GFRA2: variants seen among roughly 807,000 people sequenced by gnomAD.
GFRA2 encodes the protein GDNF family receptor alpha-2.
A neutral mutation model predicts 48.3 loss-of-function variants in GFRA2; 17 were observed. The ratio of observed to expected loss-of-function variants is 0.35; its 90% CI spans 0.24 to 0.53. GFRA2 has a LOEUF of 0.53. Ranked by LOEUF, GFRA2 falls within the 20% of genes least tolerant of loss-of-function variation. GFRA2 has a pLI of 0.93. For missense variants in GFRA2, 660 were observed against 637.3 expected (o/e 1.04, Z -0.38); for synonymous variants, 305 against 257.2 (o/e 1.19, Z -1.78).
chr8:21,712,582 G>A (rs1296706388), intron 4 of GFRA2, among the ~76,000 whole-genome samples: 3 of 148,518 alleles, frequency 2.0e-5, no homozygotes, highest in Admixed American at 6.6e-5. Context: ...AGGCAGAGAC[G>A]CTCCTCACTT....
chr8:21,750,809 G>A lies in GFRA2; in HGVS notation c.573C>T (p.Pro191=). ...ACTTGCGGCGGTTGCAGCGCTCGGT[G>A]GGCGAGATCTCGCGGTTGCAGATGG... ...YISICNREIS[P]TERCNRRKCH... is the part of the protein sequence containing the mutation. The change falls in exon 4 of 9, where the codon CCC becomes CCT. Residue 191 remains proline, a synonymous_variant. Transcript: ENST00000524240. This position sits in a 1 kb window ranked among gnomAD's most constrained non-coding sequence, Gnocchi z 5.7. 1 of 1,614,030 alleles carries A rather than the reference G, an allele frequency of 6.2e-7. No homozygotes were observed. The highest frequency in any genetic ancestry group is 1.1e-5 in the South Asian group (1 of 91,088).
At chr8:21,778,514 T>G (rs1365841698) in intron 2 of GFRA2, among the ~76,000 whole-genome samples, 12 of 152,252 alleles carry the variant, frequency 7.9e-5, no homozygotes, top group African/African-American at 2.9e-4. Context: ...ACACAGTTCC[T>G]ACAGTGCTGT....
intron 2 of GFRA2, among the ~76,000 whole-genome samples, chr8:21,796,192 C>T (rs977443735): frequency 3.9e-5 from 6 of 152,230 alleles, no homozygotes; most frequent in Non-Finnish European, 7.3e-5. Flanking sequence ...ATACTGGCTA[C>T]ACCCCAGCCT....
intron 4 of GFRA2, among the ~76,000 whole-genome samples, chr8:21,717,641 G>A (rs1803397614): frequency 6.6e-6 from 1 of 152,142 alleles, no homozygotes. Flanking sequence ...ACGGGTTCTG[G>A]AAGCCTCAGC....
At chr8:21,779,788 A>G (rs1460736052) in intron 2 of GFRA2, 1 of 152,156 alleles carries the variant, frequency 6.6e-6, no homozygotes. Flanking sequence ...CCATATTTAG[A>G]ACATATTCGA....
At chr8:21,720,382 G>A (rs1803537464) in intron 4 of GFRA2, among the ~76,000 whole-genome samples, 1 of 152,158 alleles carries the variant, frequency 6.6e-6, no homozygotes, top group Non-Finnish European at 1.5e-5. Flanking sequence ...ATCCATAAAA[G>A]GGGGCAAGGA....
intron 4 of GFRA2, among the ~76,000 whole-genome samples, chr8:21,721,742 G>A (rs1405509682): frequency 6.6e-6 from 1 of 152,204 alleles, no homozygotes; most frequent in Non-Finnish European, 1.5e-5. Context: ...AGGACGCAAA[G>A]CAGGGAGAAA....
intron 2 of GFRA2, among the ~76,000 whole-genome samples, chr8:21,799,735 G>A (rs1166618317): frequency 6.6e-6 from 1 of 152,158 alleles, no homozygotes; most frequent in African/African-American, 2.4e-5. Flanking sequence ...AAACAAAGGG[G>A]TTGCAGTCCT....
chr8:21,725,251 C>A (rs1803808123), intron 4 of GFRA2, among the ~76,000 whole-genome samples: 1 of 152,218 alleles, frequency 6.6e-6, no homozygotes, highest in Non-Finnish European at 1.5e-5. Flanking sequence ...TTGTTCTGAT[C>A]GAGCTCCTGA....
intron 3 of GFRA2, among the ~76,000 whole-genome samples, chr8:21,772,643 G>A (rs1806491264): frequency 6.6e-6 from 1 of 152,196 alleles, no homozygotes; most frequent in Admixed American, 6.5e-5. Context: ...AGCCCTCATG[G>A]CAGGGAGTGG....
chr8:21,807,725 G>A (rs1421542980), intron 1 of GFRA2, among the ~76,000 whole-genome samples: 3 of 148,248 alleles, frequency 2.0e-5, no homozygotes, highest in African/African-American at 7.3e-5. Context: ...AGAAAACATA[G>A]AAGAAGATGA....
chr8:21,737,531 C>A, intron 4 of GFRA2, among the ~76,000 whole-genome samples: 1 of 152,120 alleles, frequency 6.6e-6, no homozygotes, highest in Non-Finnish European at 1.5e-5. Flanking sequence ...ACAGGGGAGC[C>A]CCTGCCTGTT....
chr8:21,696,033 T>C (rs1802149034), intron 7 of GFRA2, among the ~76,000 whole-genome samples: 1 of 151,158 alleles, frequency 6.6e-6, no homozygotes, highest in Non-Finnish European at 1.5e-5. Context: ...ACTAAACCAT[T>C]GGGAGCCCTC....
intron 3 of GFRA2, among the ~76,000 whole-genome samples, chr8:21,752,733 C>T (rs1468278292): frequency 1.3e-5 from 2 of 152,050 alleles, no homozygotes; most frequent in South Asian, 4.2e-4. Flanking sequence ...CCCGTATTTC[C>T]CCCCAAAACC....
At chr8:21,707,674 C>T (rs968081927) in intron 4 of GFRA2, among the ~76,000 whole-genome samples, 5 of 152,130 alleles carry the variant, frequency 3.3e-5, no homozygotes, top group Non-Finnish European at 5.9e-5. Context: ...CCTGCTTCTC[C>T]GGGACTCTAG....
At chr8:21,712,466 G>T (rs1323721488) in intron 4 of GFRA2, among the ~76,000 whole-genome samples, 1 of 151,408 alleles carries the variant, frequency 6.6e-6, no homozygotes, top group Non-Finnish European at 1.5e-5. Context: ...GGGAAGAGGC[G>T]CTCCTCACTT....
intron 3 of GFRA2, among the ~76,000 whole-genome samples, chr8:21,772,057 C>T (rs900839400): frequency 2.0e-5 from 3 of 152,112 alleles, no homozygotes; most frequent in Non-Finnish European, 4.4e-5. Context: ...ATGGCCTGAG[C>T]ATTAAGCTGG....
intron 3 of GFRA2, among the ~76,000 whole-genome samples, chr8:21,774,670 T>C (rs1002192735): frequency 4.6e-5 from 7 of 152,094 alleles, no homozygotes; most frequent in Admixed American, 1.3e-4. Context: ...GCCAGGGAAC[T>C]GGAAAGAGGG....
At chr8:21,798,534 C>T (rs962507380) in intron 2 of GFRA2, among the ~76,000 whole-genome samples, 10 of 152,332 alleles carry the variant, frequency 6.6e-5, no homozygotes, top group Non-Finnish European at 1.3e-4. Context: ...CTGCCACCAG[C>T]TGACCATGTG....
Sources: allele counts gnomAD v4.1 joint callset (sites outside exome capture counted in the v4.1 genomes callset), GRCh38; gene constraint gnomAD v4.1.1; non-coding constraint Gnocchi (gnomAD v3.1); transcripts MANE v1.5; gene names NCBI Gene and HGNC (gene_info 2026-07-23, HGNC 2026-07-21).